The following ARMC6 variants were observed in gnomAD, a reference collection of about 807,000 sequenced individuals.
The protein encoded by ARMC6 is armadillo repeat containing 6.
In ARMC6, 43 loss-of-function variants were observed where a neutral mutation model predicts 49.2. The observed-to-expected ratio is 0.87, with a 90% CI of 0.69 to 1.13. ARMC6 has a LOEUF of 1.13. Among genes scored for constraint, ARMC6 ranks in the 50% most tolerant of loss-of-function variants. The pLI, the probability that ARMC6 is intolerant of heterozygous loss-of-function variation, is 0.00. For missense variants in ARMC6, 627 were observed against 682.0 expected (o/e 0.92, Z 0.90); for synonymous variants, 262 against 289.6 (o/e 0.90, Z 0.97).
At chr19:19,036,608 C>T (rs1473882067) in intron 2 of ARMC6, among the ~76,000 whole-genome samples, 1 of 152,156 alleles carries the variant, frequency 6.6e-6, no homozygotes, top group Non-Finnish European at 1.5e-5. Context: ...TTATATTACT[C>T]TTCCTTCACC....
chr19:19,054,840 A>T (rs1364659114), intron 6 of ARMC6, among the ~76,000 whole-genome samples: 2 of 152,206 alleles, frequency 1.3e-5, no homozygotes, highest in East Asian at 3.8e-4. Context: ...AATGGGAACC[A>T]ACTTCAGCAA....
At chr19:19,039,142 T>A (rs2059393033) in intron 2 of ARMC6, among the ~76,000 whole-genome samples, 2 of 152,142 alleles carry the variant, frequency 1.3e-5, no homozygotes, top group Non-Finnish European at 2.9e-5. Flanking sequence ...GTAATTTTTT[T>A]TTTTCTTCTG....
rs534337222 is a variant in ARMC6, at chr19:19,044,405, G to A, written c.279+331G>A. Among the ~76,000 whole-genome samples the A allele has an allele frequency of 4.9e-4, 75 of 152,316 alleles. 1 individual carries two copies. The South Asian group carries it at 0.015, about 30-fold the overall frequency. ...GACAGATGGTCAGGACTCATAGGAC[G>A]AGAGAGTGGGCTCACAGTAAGGCTG... On this transcript the variant is annotated intron_variant, in intron 4 of 8. Coordinates refer to ENST00000535612, the MANE Select transcript of ARMC6 (RefSeq NM_001199196.2).
intron 3 of ARMC6, 92 bp downstream of exon 3, chr19:19,042,969 C>A: frequency 6.7e-7 from 1 of 1,495,822 alleles, no homozygotes; most frequent in Non-Finnish European, 9.0e-7. Context: ...GGGGGTGCCA[C>A]ATGCCTGGCA....
intron 4 of ARMC6, among the ~76,000 whole-genome samples, chr19:19,046,952 TTTC>T (rs2059456809): frequency 1.5e-5 from 2 of 136,368 alleles, no homozygotes; most frequent in African/African-American, 5.7e-5. Flanking sequence ...TCTTTTTCTA[TTTC>T]TTTTTTTTTT....
rs1017885305 is a variant in ARMC6, at chr19:19,050,410, C to G, written c.280-1212C>G. On this transcript the variant is annotated intron_variant, in intron 4 of 8. Transcript: ENST00000535612. ...TTGATTTTCTTTTTTGAGATGAATGCTCCGTATGTTGCCCAGGCGAGTCTT... is the reference window on the plus strand; with the variant it reads ...TTGATTTTCTTTTTTGAGATGAATGGTCCGTATGTTGCCCAGGCGAGTCTT... Among the ~76,000 whole-genome samples, 3 of 152,224 alleles carry G rather than the reference C, an allele frequency of 2.0e-5. No individual in the cohort carries two copies. The South Asian group carries it at 6.2e-4, about 32-fold the overall frequency.
intron 8 of ARMC6, among the ~76,000 whole-genome samples, chr19:19,056,653 T>C (rs10423815): frequency 0.77 from 117,063 of 152,080 alleles, 45,279 homozygotes; most frequent in East Asian, 0.89. Context: ...CAGAAAGGTT[T>C]CTGCCCCCTC....
At chr19:19,056,610 G>A (rs1415385939) in intron 8 of ARMC6, among the ~76,000 whole-genome samples, 1 of 152,180 alleles carries the variant, frequency 6.6e-6, no homozygotes, top group Non-Finnish European at 1.5e-5. Flanking sequence ...GAAAGAAGTT[G>A]GGGAAGCGTG....
intron 4 of ARMC6, among the ~76,000 whole-genome samples, chr19:19,051,375 CTGTG>C (rs35164662): frequency 0.17 from 23,219 of 139,552 alleles, 2,058 homozygotes; most frequent in East Asian, 0.34. Flanking sequence ...CTCTCTCTCT[CTGTG>C]TGTGTGTGTG....
At position 19,051,926 on chromosome 19, in the gene ARMC6, C is replaced by T. The variant is rs1568494998; in HGVS notation, c.584C>T (p.Thr195Ile). ...CAGAATGCTGATGAGGCTGACCTGA[C>T]CTGCTCTGGGATCCGCTGTGTGCGT... ...LTQNADEADL[T>I]CSGIRCVRHA... The change falls in exon 5 of 9, where the codon ACC becomes ATC. Residue 195 changes from threonine to isoleucine, a missense_variant. Physicochemically the swap from Thr to Ile is moderately conservative, Grantham distance 89. Coordinates refer to ENST00000535612, the MANE Select transcript of ARMC6 (RefSeq NM_001199196.2). 1 of 1,614,164 alleles carries T rather than the reference C, an allele frequency of 6.2e-7. No homozygotes were observed. Among genetic ancestry groups the T allele is most frequent in the South Asian group, 1.1e-5 (1 of 91,092 alleles).
intron 2 of ARMC6, among the ~76,000 whole-genome samples, chr19:19,038,444 T>C (rs967738615): frequency 4.6e-5 from 7 of 152,274 alleles, no homozygotes; most frequent in Middle Eastern, 3.4e-3. Flanking sequence ...ACCAAGAGTT[T>C]TATCTTACTT....
intron 4 of ARMC6, among the ~76,000 whole-genome samples, 173 bp from the exon 5 acceptor site, chr19:19,051,449 A>G (rs1263769274): frequency 6.7e-6 from 1 of 149,754 alleles, no homozygotes; most frequent in African/African-American, 2.5e-5. Flanking sequence ...TGAAGCTCAA[A>G]GCTCCTAGAA....
intron 2 of ARMC6, among the ~76,000 whole-genome samples, chr19:19,041,274 A>G (rs2059409666): frequency 6.6e-6 from 1 of 152,238 alleles, no homozygotes; most frequent in South Asian, 2.1e-4. Flanking sequence ...GAGAAAACAC[A>G]TGATGGGTTT....
At chr19:19,053,399 A>T (rs899414320) in intron 5 of ARMC6, among the ~76,000 whole-genome samples, 1 of 152,136 alleles carries the variant, frequency 6.6e-6, no homozygotes, top group African/African-American at 2.4e-5. Flanking sequence ...AGGCACAAGG[A>T]TCTCTTGAGC....
intron 4 of ARMC6, among the ~76,000 whole-genome samples, chr19:19,049,876 T>C (rs1194379985): frequency 6.6e-6 from 1 of 152,052 alleles, no homozygotes; most frequent in Non-Finnish European, 1.5e-5. Flanking sequence ...ATACAAAAAT[T>C]ATCCGGGCGT....
chr19:19,048,892 A>C (rs747650922), intron 4 of ARMC6, among the ~76,000 whole-genome samples: 7 of 152,160 alleles, frequency 4.6e-5, no homozygotes, highest in Non-Finnish European at 8.8e-5. Flanking sequence ...TCTTATTGCT[A>C]CAAAAAAGTC....
rs923378796 is a variant in ARMC6, at chr19:19,033,813, G to C, written c.-197G>C. ...CGTGAGCGTCCGCGAGTCTCTGGGA[G>C]GCCAAGCCTAGGGGCGCCACAGCGC... On this transcript the variant is annotated 5_prime_UTR_variant, in exon 1 of 9. Transcript: ENST00000535612. 1.6e-5 allele frequency: 4 copies of C among 257,752 alleles called. No individual in the cohort carries two copies. The highest frequency in any genetic ancestry group is 2.3e-5 in the African/African-American group (1 of 44,436). 16.0% of individuals were successfully genotyped at this position (257,752 alleles called of 1,614,324 possible). A position where few individuals can be genotyped will look rare whatever the true frequency, so the allele number is the denominator to read the frequency against.
At chr19:19,048,952 G>T (rs2145867056) in intron 4 of ARMC6, among the ~76,000 whole-genome samples, 1 of 152,118 alleles carries the variant, frequency 6.6e-6, no homozygotes, top group East Asian at 1.9e-4. Context: ...GATAAAATGA[G>T]ACATATTTGA....
At chr19:19,042,146 C>T (rs960895542) in intron 2 of ARMC6, among the ~76,000 whole-genome samples, 7 of 152,178 alleles carry the variant, frequency 4.6e-5, no homozygotes, top group African/African-American at 1.4e-4. Context: ...ATCCTCCTGC[C>T]TCAGCTTCCC....
Sources: allele counts gnomAD v4.1 joint callset (sites outside exome capture counted in the v4.1 genomes callset), GRCh38; gene constraint gnomAD v4.1.1; transcripts MANE v1.5; gene names NCBI Gene and HGNC (gene_info 2026-07-23, HGNC 2026-07-21).